The following TYW1B variants were observed in gnomAD, a reference collection of about 807,000 sequenced individuals.
The protein encoded by TYW1B is S-adenosyl-L-methionine-dependent tRNA 4-demethylwyosine synthase TYW1B.
In TYW1B, 73 loss-of-function variants were observed where a neutral mutation model predicts 86.9. The ratio of observed to expected loss-of-function variants is 0.84; its 90% CI spans 0.70 to 1.02. The LOEUF is 1.02. TYW1B is among the 50% of genes least tolerant of loss of function. The pLI, the probability that TYW1B is intolerant of heterozygous loss-of-function variation, is 0.00. For synonymous variants in TYW1B, 248 were observed against 292.8 expected (o/e 0.85, Z 1.56); for missense variants, 637 against 827.4 (o/e 0.77, Z 2.82).
Position 72,810,410 on chromosome 7 carries a change from G to A in TYW1B, c.432+61C>T, listed in dbSNP as rs542645754. On this transcript the variant is annotated intron_variant, in intron 4 of 13. Transcript: ENST00000620995. ...CGTGTGTTTGTGTGTGTGTACGTGT[G>A]TGTGCGTGTGTGTGTGTGTTTATGG... The A allele has an allele frequency of 7.2e-6, 11 of 1,529,982 alleles. No individual in the cohort carries two copies. In the African/African-American group the frequency reaches 1.2e-4, roughly 17 times the overall value. 94.8% of individuals were successfully genotyped at this position (1,529,982 alleles called of 1,614,324 possible). A position where few individuals can be genotyped will look rare whatever the true frequency, so the allele number is the denominator to read the frequency against.
chr7:72,694,505 G>C (rs573310222), intron 11 of TYW1B, among the ~76,000 whole-genome samples, 182 bp downstream of exon 11: 45 of 152,308 alleles, frequency 3.0e-4, no homozygotes, highest in African/African-American at 1.0e-3. Flanking sequence ...TTAACAAATA[G>C]TAAATGTTCA....
chr7:72,815,486 T>G lies in TYW1B; in HGVS notation c.136-5A>C. The G allele has an allele frequency of 6.2e-7, 1 of 1,601,912 alleles. No homozygotes were observed. On this transcript the variant is annotated splice_polypyrimidine_tract_variant and splice_region_variant and intron_variant, in intron 2 of 13. Transcript: ENST00000620995. ...AGCAAGAACTGTTGCAAATCCCTAATAGGACAAAAAAAAACTTCAAATAAA... is the reference window on the plus strand; with the variant it reads ...AGCAAGAACTGTTGCAAATCCCTAAGAGGACAAAAAAAAACTTCAAATAAA...
Position 72,660,516 on chromosome 7 carries a change from C to A in TYW1B, c.1507-31519G>T, listed in dbSNP as rs116411312. Among the ~76,000 whole-genome samples the A allele has an allele frequency of 5.1e-3, 776 of 152,302 alleles. 6 individuals carry two copies. Among genetic ancestry groups the A allele is most frequent in the African/African-American group, 0.018 (738 of 41,566 alleles). On this transcript the variant is annotated intron_variant, in intron 11 of 13. Coordinates refer to ENST00000620995, the MANE Select transcript of TYW1B (RefSeq NM_001145440.3). ...CCCCTCACACCAGTCTCTACCATTT[C>A]TGTTGAGAAAGAACTACTTTCAGAT...
intron 11 of TYW1B, among the ~76,000 whole-genome samples, chr7:72,670,553 T>C (rs1476589587): frequency 6.6e-6 from 1 of 152,334 alleles, no homozygotes; most frequent in South Asian, 2.1e-4. Flanking sequence ...AGTGAGGAAG[T>C]AAAGACTTCA....
chr7:72,720,886 T>C lies in TYW1B; in HGVS notation c.1193-7088A>G, dbSNP rs544134335. ...TTACATTAGGTGTATCTCCTAATGCTATCCCTCCCCCCTCCCCCCAACCCA... is the reference window on the plus strand; with the variant it reads ...TTACATTAGGTGTATCTCCTAATGCCATCCCTCCCCCCTCCCCCCAACCCA... On this transcript the variant is annotated intron_variant, in intron 9 of 13. Transcript: ENST00000620995. Among the ~76,000 whole-genome samples the C allele has an allele frequency of 1.3e-3, 203 of 151,342 alleles. 1 individual carries two copies. The highest frequency in any genetic ancestry group is 2.4e-3 in the Non-Finnish European group (164 of 67,824).
intron 5 of TYW1B, 39 bp from the exon 6 acceptor site, chr7:72,802,561 G>C (rs374107514): frequency 5.6e-6 from 9 of 1,606,970 alleles, no homozygotes; most frequent in Non-Finnish European, 7.6e-6. Flanking sequence ...TGTTCAAAGG[G>C]GCAAAGGCAA....
chr7:72,657,469 G>A (rs548391415), intron 11 of TYW1B, among the ~76,000 whole-genome samples: 38 of 152,240 alleles, frequency 2.5e-4, no homozygotes, highest in Non-Finnish European at 4.4e-4. Flanking sequence ...TCTTGAGAGA[G>A]AGATATAGAT....
At chr7:72,728,428 TC>T (rs1214400644) in intron 9 of TYW1B, among the ~76,000 whole-genome samples, 1 of 152,162 alleles carries the variant, frequency 6.6e-6, no homozygotes, top group Admixed American at 6.6e-5. Context: ...TGCCTCAGCC[TC>T]CCAAGTAGCT....
At chr7:72,607,341 A>G (rs1554435045) in intron 13 of TYW1B, among the ~76,000 whole-genome samples, 1 of 148,246 alleles carries the variant, frequency 6.7e-6, no homozygotes, top group Non-Finnish European at 1.5e-5. Flanking sequence ...GCAGTGAGCC[A>G]AGATTGTGCC....
chr7:72,682,183 T>C (rs1173167019), intron 11 of TYW1B, among the ~76,000 whole-genome samples: 1 of 151,840 alleles, frequency 6.6e-6, no homozygotes, highest in Admixed American at 6.6e-5. Flanking sequence ...TAGCCTATAA[T>C]TACTTATATA....
chr7:72,582,778 G>T (rs1296577589), intron 13 of TYW1B, among the ~76,000 whole-genome samples: 3 of 152,162 alleles, frequency 2.0e-5, no homozygotes, highest in African/African-American at 4.8e-5. Context: ...AGTCTGAGAG[G>T]CAATATATTT....
At position 72,791,303 on chromosome 7, in the gene TYW1B, GT is replaced by G. The variant is rs564903482; in HGVS notation, c.846+11096del. Reference sequence around the variant, plus strand: ...ACAAATGTCTATTCCCTGGAGCCCAGTCTGGCGCTCAGACCTTTAGACTCAT... The same window carrying G: ...ACAAATGTCTATTCCCTGGAGCCCAGCTGGCGCTCAGACCTTTAGACTCAT... On this transcript the variant is annotated intron_variant, in intron 6 of 13. Coordinates refer to ENST00000620995, the MANE Select transcript of TYW1B (RefSeq NM_001145440.3). Among the ~76,000 whole-genome samples, 17 of 151,758 alleles carry G rather than the reference GT, an allele frequency of 1.1e-4. No homozygotes were observed. In the South Asian group the frequency reaches 3.5e-3, roughly 32 times the overall value.
Position 72,614,950 on chromosome 7 carries a change from A to C in TYW1B, c.1785+1722T>G, listed in dbSNP as rs1486004608. ...AAAGCCCTCTAATCAATCTGACTCC[A>C]CTCATAATCTCTTCTCATTCATTAC... On this transcript the variant is annotated intron_variant, in intron 13 of 13. Transcript: ENST00000620995. Among the ~76,000 whole-genome samples, 6 of 152,308 alleles carry C rather than the reference A, an allele frequency of 3.9e-5. No homozygotes were observed. In the East Asian group the frequency reaches 1.2e-3, roughly 29 times the overall value.
At chr7:72,716,078 C>A (rs1191926212) in intron 9 of TYW1B, among the ~76,000 whole-genome samples, 1 of 152,080 alleles carries the variant, frequency 6.6e-6, no homozygotes, top group Non-Finnish European at 1.5e-5. Flanking sequence ...CTACACCGGG[C>A]TGGTGCCCAC....
At chr7:72,580,253 G>A (rs1308167461) in intron 13 of TYW1B, among the ~76,000 whole-genome samples, 1 of 152,136 alleles carries the variant, frequency 6.6e-6, no homozygotes, top group Non-Finnish European at 1.5e-5. Context: ...AAAAATCAAA[G>A]TGTTCCATGT....
chr7:72,730,838 A>C (rs1394775325), intron 8 of TYW1B, among the ~76,000 whole-genome samples: 1 of 151,694 alleles, frequency 6.6e-6, no homozygotes, highest in African/African-American at 2.4e-5. Flanking sequence ...AACAGGTTTT[A>C]ATGAAATAAA....
chr7:72,825,262 T>C (rs1482149433), intron 2 of TYW1B, among the ~76,000 whole-genome samples: 1 of 152,110 alleles, frequency 6.6e-6, no homozygotes, highest in Admixed American at 6.6e-5. Context: ...CCAGACACTG[T>C]TCCCCCCCAA....
chr7:72,698,183 T>C (rs1407761507), intron 10 of TYW1B, among the ~76,000 whole-genome samples: 1 of 151,998 alleles, frequency 6.6e-6, no homozygotes, highest in Non-Finnish European at 1.5e-5. Flanking sequence ...AAGGAGAGAA[T>C]TATTTACCAC....
chr7:72,710,965 G>A (rs2960973), intron 10 of TYW1B, among the ~76,000 whole-genome samples: 120,074 of 152,100 alleles, frequency 0.79, 47,954 homozygotes, highest in Middle Eastern at 0.87. Flanking sequence ...GACAAACCCC[G>A]CCACTTTTAA....
Sources: allele counts gnomAD v4.1 joint callset (sites outside exome capture counted in the v4.1 genomes callset), GRCh38; gene constraint gnomAD v4.1.1; transcripts MANE v1.5; gene names NCBI Gene and HGNC (gene_info 2026-07-23, HGNC 2026-07-21).